Variants in SGK3 observed in about 807,000 individuals in gnomAD.
SGK3 encodes the protein serine/threonine-protein kinase Sgk3.
SGK3 carries 47 observed loss-of-function variants against 68.5 expected under a neutral mutation model. The ratio of observed to expected loss-of-function variants is 0.69; its 90% CI spans 0.54 to 0.87. The LOEUF (loss-of-function observed/expected upper bound fraction) is 0.87. SGK3 is among the 40% of genes least tolerant of loss of function. The pLI, the probability that SGK3 is intolerant of heterozygous loss-of-function variation, is 0.00. For synonymous variants in SGK3, 181 were observed against 189.1 expected (o/e 0.96, Z 0.35); for missense variants, 479 against 575.5 (o/e 0.83, Z 1.72).
chr8:66,779,609 AT>A (rs1232147104), intron 1 of SGK3, among the ~76,000 whole-genome samples: 5 of 138,692 alleles, frequency 3.6e-5, no homozygotes, highest in Middle Eastern at 3.9e-3. Flanking sequence ...TATAAAACAC[AT>A]TTTTTATATA....
At position 66,842,168 on chromosome 8, in the gene SGK3, T is replaced by C. The variant is rs1296128759; in HGVS notation, c.978+1058T>C. Among the ~76,000 whole-genome samples the C allele has an allele frequency of 2.0e-5, 3 of 152,100 alleles. No individual in the cohort carries two copies. The East Asian group carries it at 5.8e-4, about 29-fold the overall frequency. On this transcript the variant is annotated intron_variant, in intron 13 of 16. Coordinates refer to ENST00000521198, the MANE Select transcript of SGK3 (RefSeq NM_001033578.3). ...CTGGATGAAGAAACATTCTTTGTTA[T>C]TGTATATTAATTTCATAGTTAAAAT...
At chr8:66,784,598 A>T (rs1039384959) in intron 1 of SGK3, among the ~76,000 whole-genome samples, 24 of 152,100 alleles carry the variant, frequency 1.6e-4, no homozygotes, top group Non-Finnish European at 2.2e-4. Flanking sequence ...ATATAAAAAA[A>T]TTTTTTTTGA....
At chr8:66,717,641 G>T (rs1391821614) in intron 1 of SGK3, among the ~76,000 whole-genome samples, 2 of 152,324 alleles carry the variant, frequency 1.3e-5, no homozygotes, top group Admixed American at 1.3e-4. Context: ...AAGGACAGTG[G>T]TGCTTCATAA....
chr8:66,737,180 A>G (rs1291200083), intron 1 of SGK3: 1 of 151,724 alleles, frequency 6.6e-6, no homozygotes, highest in Non-Finnish European at 1.5e-5. Flanking sequence ...TTCTCTGTTA[A>G]TTACTTCAAA....
intron 1 of SGK3, among the ~76,000 whole-genome samples, chr8:66,792,728 A>C (rs1189159754): frequency 2.0e-5 from 3 of 152,124 alleles, no homozygotes; most frequent in Non-Finnish European, 4.4e-5. Context: ...AAAAAAACAA[A>C]AAAAAAGTAT....
chr8:66,827,067 A>G (rs368838027), intron 6 of SGK3, among the ~76,000 whole-genome samples: 3 of 152,264 alleles, frequency 2.0e-5, no homozygotes, highest in East Asian at 3.9e-4. Context: ...ACATATGTCT[A>G]TAATAAGAAG....
chr8:66,735,212 C>T lies in SGK3; in HGVS notation c.-122+22379C>T, dbSNP rs551976688. On this transcript the variant is annotated intron_variant, in intron 1 of 16. Coordinates refer to ENST00000521198, the MANE Select transcript of SGK3 (RefSeq NM_001033578.3). The stretch of plus-strand genomic sequence containing the variant: ...GGAATGTATCCTGAGGATAAGTGGC[C>T]AATAGTGTAGACTGTTGATATGTAT... Among the ~76,000 whole-genome samples, 101 of 152,052 alleles carry T rather than the reference C, an allele frequency of 6.6e-4. No individual in the cohort carries two copies. The South Asian group carries it at 0.021, about 31-fold the overall frequency.
At chr8:66,831,637 C>T (rs1272781724) in intron 8 of SGK3, among the ~76,000 whole-genome samples, 1 of 152,082 alleles carries the variant, frequency 6.6e-6, no homozygotes, top group East Asian at 1.9e-4. Context: ...CCATCCCCAG[C>T]CTAAAGTGTT....
At position 66,831,284 on chromosome 8, in the gene SGK3, A is replaced by C; in HGVS notation, c.498A>C (p.Lys166Asn). Residue 166 changes from lysine to asparagine, a missense_variant, in exon 8 of 17, where the codon AAA becomes AAC. Around this residue, in one of 3 missense-constraint regions of SGK3, gnomAD observed 298 missense variants for 329.4 expected, o/e 0.90. Transcript: ENST00000521198. Reference sequence around the variant, plus strand: ...AACCAACTGACTTTGATTTCTTAAAAGTTATTGGAAAAGGCAGCTTTGGCA... The same window carrying C: ...AACCAACTGACTTTGATTTCTTAAACGTTATTGGAAAAGGCAGCTTTGGCA... ...HAKPTDFDFL[K>N]VIGKGSFGKV... The C allele has an allele frequency of 6.2e-6, 10 of 1,613,920 alleles. No homozygotes were observed. The highest frequency in any genetic ancestry group is 8.5e-6 in the Non-Finnish European group (10 of 1,179,970).
intron 15 of SGK3, among the ~76,000 whole-genome samples, chr8:66,849,213 C>G (rs1810162115): frequency 6.6e-6 from 1 of 152,208 alleles, no homozygotes; most frequent in Non-Finnish European, 1.5e-5. Flanking sequence ...GCCCTCTCTT[C>G]TAAACTCTAG....
intron 1 of SGK3, among the ~76,000 whole-genome samples, chr8:66,723,571 G>A (rs756816507): frequency 3.0e-4 from 46 of 152,064 alleles, no homozygotes; most frequent in Non-Finnish European, 6.6e-4. Context: ...AGCCTCCCAA[G>A]TAGCTGGGAA....
rs1313430500 is a variant in SGK3, at chr8:66,841,007, G to A, written c.892-17G>A. 1 of 1,545,454 alleles carries A rather than the reference G, an allele frequency of 6.5e-7. No homozygotes were observed. ...TATTTATGCATTGTTTTATCTTACTGCCCCTGTATTTGTCAGGGACATGTT... is the reference window on the plus strand; with the variant it reads ...TATTTATGCATTGTTTTATCTTACTACCCCTGTATTTGTCAGGGACATGTT... On this transcript the variant is annotated splice_polypyrimidine_tract_variant and intron_variant, in intron 12 of 16. Coordinates refer to ENST00000521198, the MANE Select transcript of SGK3 (RefSeq NM_001033578.3).
chr8:66,829,386 A>T (rs1436363037), intron 7 of SGK3, among the ~76,000 whole-genome samples: 1 of 152,190 alleles, frequency 6.6e-6, no homozygotes, highest in Admixed American at 6.6e-5. Flanking sequence ...GATTATAGGC[A>T]GATGGGAGAA....
chr8:66,842,082 CCTT>C (rs1809819237), intron 13 of SGK3, among the ~76,000 whole-genome samples: 1 of 151,966 alleles, frequency 6.6e-6, no homozygotes, highest in South Asian at 2.1e-4. Context: ...ATGGGTTTTT[CCTT>C]CTTTTTTCTG....
rs73691575 is a variant in SGK3 at position 66,749,967 on chromosome 8, A to G, written c.-122+37134A>G. ...TGTGTGTGTGTGTGTGTGTGTGTGT[A>G]TGTGTGTAAATCTCTAAATATGAGA... On this transcript the variant is annotated intron_variant, in intron 1 of 16. Coordinates refer to ENST00000521198, the MANE Select transcript of SGK3 (RefSeq NM_001033578.3). 4.2e-3 allele frequency among the ~76,000 whole-genome samples: 537 copies of G among 126,750 alleles called. 3 individuals carry two copies. The highest frequency in any genetic ancestry group is 0.013 in the African/African-American group (447 of 34,200). 83.2% of individuals were successfully genotyped at this position (126,750 alleles called of 152,430 possible).
chr8:66,728,537 G>C (rs1161266609), intron 1 of SGK3, among the ~76,000 whole-genome samples: 2 of 152,066 alleles, frequency 1.3e-5, no homozygotes, highest in Non-Finnish European at 2.9e-5. Context: ...ATGTTGGCCA[G>C]GTTGGTCTCG....
intron 1 of SGK3, among the ~76,000 whole-genome samples, chr8:66,773,754 G>C (rs1458726598): frequency 6.6e-6 from 1 of 152,118 alleles, no homozygotes; most frequent in Admixed American, 6.5e-5. Flanking sequence ...TGGACAGAGG[G>C]AGGCTTCACA....
intron 1 of SGK3, among the ~76,000 whole-genome samples, chr8:66,731,830 G>T (rs561716915): frequency 4.6e-5 from 7 of 152,118 alleles, no homozygotes; most frequent in Admixed American, 3.9e-4. Context: ...CACCGCACCC[G>T]GCCGGGTATT....
At chr8:66,840,187 G>T in intron 11 of SGK3, 24 bp from the exon 12 acceptor site, 1 of 1,594,892 alleles carries the variant, frequency 6.3e-7, no homozygotes. Context: ...TCAGTTTTGC[G>T]TTTCTTTCCT....
Sources: gnomAD v4.1 joint callset for allele counts (sites outside exome capture counted in the v4.1 genomes callset) on GRCh38, gnomAD v4.1.1 for gene constraint, gnomAD v4.1.1 regional missense constraint, MANE v1.5 for transcripts, NCBI Gene and HGNC (gene_info 2026-07-23, HGNC 2026-07-21) for gene names.